The following DENND2B variants were observed in gnomAD, a reference collection of about 807,000 sequenced individuals.
DENND2B encodes DENN domain-containing protein 2B.
A neutral mutation model predicts 116.0 loss-of-function variants in DENND2B; 32 were observed. The observed-to-expected ratio is 0.28, with a 90% CI of 0.21 to 0.37. The LOEUF (loss-of-function observed/expected upper bound fraction) is 0.37. Ranked by LOEUF, DENND2B falls within the 10% of genes least tolerant of loss-of-function variation. The pLI is 1.00. For missense variants in DENND2B, 1,276 were observed against 1,477.7 expected, an observed-to-expected ratio of 0.86 and a Z score of 2.24; for synonymous variants, 588 against 583.9, an observed-to-expected ratio of 1.01 and a Z score of -0.10.
At chr11:8,808,664 T>C (rs2061099099) in intron 1 of DENND2B, 1 of 152,198 alleles carries the variant, frequency 6.6e-6, no homozygotes, top group Admixed American at 6.5e-5. Flanking sequence ...GGGTCATTCC[T>C]CAAGCTTCAA....
chr11:8,829,237 G>C (rs754771598), intron 4 of DENND2B, among the ~76,000 whole-genome samples: 1 of 152,044 alleles, frequency 6.6e-6, no homozygotes, highest in Non-Finnish European at 1.5e-5. Context: ...TGTTGTAAGA[G>C]GAGGTGGGAG....
At position 8,741,708 on chromosome 11, in the gene DENND2B, T is replaced by C. The variant is rs184753985; in HGVS notation, c.80+8913A>G. 4.3e-3 allele frequency among the ~76,000 whole-genome samples: 656 copies of C among 152,292 alleles called. 6 individuals are homozygous for C. Among genetic ancestry groups the C allele is most frequent in the African/African-American group, 0.015 (611 of 41,562 alleles). On this transcript the variant is annotated intron_variant, in intron 2 of 19. Transcript: ENST00000313726. ...CAGGCCTAAAAAAATCAGCAGCTCC[T>C]AATTCCTGTCTACCATGCTAGGAGC...
upstream of DENND2B, chr11:8,811,270 C>T (rs73410022): frequency 3.1e-3 from 1,250 of 398,630 alleles, 7 homozygotes; most frequent in African/African-American, 0.023. Context: ...CAGGTTGTGG[C>T]GATGGCTTTA....
chr11:8,782,566 C>T (rs1375340583), intron 1 of DENND2B, among the ~76,000 whole-genome samples: 2 of 152,090 alleles, frequency 1.3e-5, no homozygotes, highest in Non-Finnish European at 2.9e-5. Context: ...TAACCTTTCA[C>T]TTTTCCATAT....
Position 8,695,511 on chromosome 11 carries a change from G to A in DENND2B, c.3331C>T (p.Leu1111Phe), listed in dbSNP as rs766069063. 6.2e-6 allele frequency: 10 copies of A among 1,613,868 alleles called. No individual in the cohort carries two copies. Among genetic ancestry groups the A allele is most frequent in the African/African-American group, 1.3e-5 (1 of 74,908 alleles). ...ATTCCACTCTGCTCAGTGTCTGGGA[G>A]TTCTTCTAAGTACTGCTCCACTCGC... Reference protein sequence around the residue: ...EQRVEQYLEELPDTEQSGMNK... With the variant: ...EQRVEQYLEEFPDTEQSGMNK... Residue 1111 changes from leucine (L) to phenylalanine (F), a missense_variant, in exon 19 of 20, where the codon CTC becomes TTC. Around this residue, in one of 2 missense-constraint regions of DENND2B, gnomAD observed 420 missense variants for 631.1 expected, o/e 0.67. Transcript: ENST00000313726.
chr11:8,865,962 T>C, intron 2 of DENND2B, among the ~76,000 whole-genome samples: 1 of 151,900 alleles, frequency 6.6e-6, no homozygotes, highest in Non-Finnish European at 1.5e-5. Flanking sequence ...CTTTTTCTTT[T>C]TTTTTCTTTT....
chr11:8,868,796 A>C (rs2063672561), intron 2 of DENND2B, among the ~76,000 whole-genome samples: 1 of 152,202 alleles, frequency 6.6e-6, no homozygotes, highest in African/African-American at 2.4e-5. Flanking sequence ...TTTCAGAAGC[A>C]TACTTTGCTT....
At chr11:8,819,879 T>C (rs192511901) in intron 4 of DENND2B, among the ~76,000 whole-genome samples, 1 of 152,382 alleles carries the variant, frequency 6.6e-6, no homozygotes, top group African/African-American at 2.4e-5. Context: ...CCAGTAAGTC[T>C]ATATCAATAT....
At chr11:8,906,305 A>C (rs2064237183) in intron 1 of DENND2B, among the ~76,000 whole-genome samples, 1 of 144,854 alleles carries the variant, frequency 6.9e-6, no homozygotes, top group African/African-American at 2.6e-5. Flanking sequence ...TCTCAGGTTC[A>C]CGCCGTTCTC....
At chr11:8,803,578 A>T (rs2060545964) in intron 1 of DENND2B, among the ~76,000 whole-genome samples, 1 of 152,260 alleles carries the variant, frequency 6.6e-6, no homozygotes. Flanking sequence ...ATGTAGGCAG[A>T]GAAATTCACA....
intron 19 of DENND2B, 120 bp from the exon 20 acceptor site, chr11:8,694,250 A>G: frequency 8.4e-7 from 1 of 1,185,142 alleles, no homozygotes; most frequent in Non-Finnish European, 1.2e-6. Flanking sequence ...AGACTGGATT[A>G]TAACTGTGAT....
chr11:8,831,950 T>C (rs116760192), intron 4 of DENND2B: 3,800 of 152,050 alleles, frequency 0.025, 167 homozygotes, highest in African/African-American at 0.086. Context: ...AGAGCCAGAC[T>C]GGGGAGACGT....
intron 1 of DENND2B, among the ~76,000 whole-genome samples, chr11:8,784,372 A>G (rs1368500096): frequency 1.3e-5 from 2 of 150,396 alleles, no homozygotes; most frequent in African/African-American, 2.5e-5. Flanking sequence ...GGCTGCAGTG[A>G]GTGGTGACTG....
chr11:8,694,979 G>A (rs956352321), intron 19 of DENND2B, among the ~76,000 whole-genome samples: 4 of 152,146 alleles, frequency 2.6e-5, no homozygotes, highest in African/African-American at 4.8e-5. Flanking sequence ...GGAGGATCAC[G>A]TGAGGCCAGA....
At chr11:8,797,852 C>T (rs35253649) in intron 1 of DENND2B, among the ~76,000 whole-genome samples, 1 of 152,240 alleles carries the variant, frequency 6.6e-6, no homozygotes, top group East Asian at 1.9e-4. Context: ...TCCTCCACCC[C>T]GACACCCCCT....
chr11:8,743,000 G>A (rs2050490807), intron 2 of DENND2B, among the ~76,000 whole-genome samples: 1 of 151,998 alleles, frequency 6.6e-6, no homozygotes, highest in African/African-American at 2.4e-5. Flanking sequence ...GGAGGCGGAG[G>A]TTGCAGTGAG....
chr11:8,809,142 A>G (rs935931477), intron 1 of DENND2B: 1 of 152,230 alleles, frequency 6.6e-6, no homozygotes, highest in Non-Finnish European at 1.5e-5. Context: ...AGCAAGAGGA[A>G]TAACTTCAGA....
At chr11:8,743,815 T>C (rs2050705595) in intron 2 of DENND2B, among the ~76,000 whole-genome samples, 1 of 151,350 alleles carries the variant, frequency 6.6e-6, no homozygotes, top group African/African-American at 2.4e-5. Flanking sequence ...GGCTCCATCA[T>C]GGCTCACTGC....
chr11:8,701,353 G>A (rs1434961403), intron 14 of DENND2B, among the ~76,000 whole-genome samples: 2 of 89,694 alleles, frequency 2.2e-5, no homozygotes, highest in Non-Finnish European at 4.2e-5. Flanking sequence ...CCGGGGGGGG[G>A]GGGGGGAGGG....
Sources: gnomAD v4.1 joint callset for allele counts (sites outside exome capture counted in the v4.1 genomes callset) on GRCh38, gnomAD v4.1.1 for gene constraint, gnomAD v4.1.1 regional missense constraint, MANE v1.5 for transcripts, NCBI Gene and HGNC (gene_info 2026-07-23, HGNC 2026-07-21) for gene names.